NLRC5: variants seen among roughly 807,000 people sequenced by gnomAD.
The protein encoded by NLRC5 is protein NLRC5.
NLRC5 carries 114 observed loss-of-function variants against 206.9 expected under a neutral mutation model. The ratio of observed to expected loss-of-function variants is 0.55; its 90% CI spans 0.47 to 0.64. NLRC5 has a LOEUF of 0.64. Among genes scored for constraint, NLRC5 ranks in the 30% least tolerant of loss-of-function variants. NLRC5 has a pLI of 0.00. For synonymous variants in NLRC5, 952 were observed against 962.8 expected (o/e 0.99, Z 0.21); for missense variants, 2,008 against 2,305.5 (o/e 0.87, Z 2.64).
chr16:57,069,624 T>C, intron 36 of NLRC5: 2 of 582,956 alleles, frequency 3.4e-6, no homozygotes, highest in South Asian at 4.1e-5. Flanking sequence ...TGACTGCGGT[T>C]TAGGAAATAC....
At chr16:57,050,239 C>T (rs2064689472) in intron 23 of NLRC5, among the ~76,000 whole-genome samples, 1 of 152,248 alleles carries the variant, frequency 6.6e-6, no homozygotes, top group South Asian at 2.1e-4. Flanking sequence ...CCAGTCCTGA[C>T]TGTGCCTCAG....
At chr16:57,008,419 G>A (rs2059151765) in intron 1 of NLRC5, among the ~76,000 whole-genome samples, 1 of 151,900 alleles carries the variant, frequency 6.6e-6, no homozygotes, top group Non-Finnish European at 1.5e-5. Flanking sequence ...TTAAATTTTG[G>A]TTTCATCTAG....
In NLRC5 at chr16:57,069,903, C is replaced by G; in HGVS notation, c.4567C>G (p.His1523Asp). 3.2e-6 allele frequency: 5 copies of G among 1,583,054 alleles called. No individual in the cohort carries two copies. The highest frequency in any genetic ancestry group is 3.4e-6 in the Non-Finnish European group (4 of 1,165,106). The change falls in exon 37 of 49, where the codon CAC becomes GAC. Residue 1523 changes from histidine to aspartate, a missense_variant. Coordinates refer to ENST00000688547, the MANE Select transcript of NLRC5 (RefSeq NM_001384950.1). ...GGCATCTGGTCTGGGCCACTGCCAC[C>G]ACTTGGAGGAGCTGGAGTGAGTTGC... ...HLASGLGHCH[H>D]LEELDLSNNQ... is the part of the protein sequence containing the mutation.
intron 1 of NLRC5, chr16:57,013,872 A>G (rs2059753476): frequency 4.7e-6 from 3 of 632,114 alleles, no homozygotes; most frequent in Admixed American, 4.5e-5. Context: ...GGCAAGCCAC[A>G]CTATTTTATG....
chr16:57,006,417 T>TTTTC (rs1214231419), intron 1 of NLRC5, among the ~76,000 whole-genome samples: 6 of 86,616 alleles, frequency 6.9e-5, no homozygotes, highest in Non-Finnish European at 1.5e-4. Context: ...CATCCTCTTT[T>TTTTC]TTTTTTTTTT....
chr16:57,061,381 T>C (rs2066458648), intron 30 of NLRC5, 67 bp from the exon 31 acceptor site: 2 of 1,490,862 alleles, frequency 1.3e-6, no homozygotes, highest in South Asian at 2.3e-5. Flanking sequence ...TCAGGGAGGC[T>C]GAGATGAAGC....
intron 39 of NLRC5, among the ~76,000 whole-genome samples, chr16:57,076,238 T>G (rs1475675336): frequency 1.3e-5 from 2 of 152,114 alleles, no homozygotes; most frequent in Admixed American, 6.5e-5. Flanking sequence ...ATTTGCAAAA[T>G]AAAAGAAAGT....
At chr16:57,040,523 T>C in intron 16 of NLRC5, 127 bp from the exon 17 acceptor site, 1 of 829,236 alleles carries the variant, frequency 1.2e-6, no homozygotes, top group Non-Finnish European at 2.0e-6. Context: ...GAAGCCAAAT[T>C]GGCACCAAGG....
intron 38 of NLRC5, 32 bp downstream of exon 38, chr16:57,070,650 G>A (rs761817895): frequency 6.4e-7 from 1 of 1,568,744 alleles, no homozygotes; most frequent in African/African-American, 1.5e-5. Flanking sequence ...GGGTGAGTGA[G>A]TGGTGGGGGT....
In NLRC5 at chr16:57,031,560, T is replaced by C. The variant is rs193043874; in HGVS notation, c.2477+97T>C. On this transcript the variant is annotated intron_variant, in intron 11 of 48. Coordinates refer to ENST00000688547, the MANE Select transcript of NLRC5 (RefSeq NM_001384950.1). ...AGGTGACCAAGAGACTAGGAAGAGC[T>C]GGGGTATGGGAATTCTTCCTGCTAC... 2.9e-4 allele frequency: 339 copies of C among 1,156,798 alleles called. 3 individuals are homozygous for C. In the East Asian group the frequency reaches 8.2e-3, roughly 28 times the overall value. 71.7% of individuals were successfully genotyped at this position (1,156,798 alleles called of 1,614,324 possible). A position where few individuals can be genotyped will look rare whatever the true frequency, so the allele number is the denominator to read the frequency against.
At chr16:57,070,263 G>GTA (rs1426873153) in intron 37 of NLRC5, among the ~76,000 whole-genome samples, 5 of 151,794 alleles carry the variant, frequency 3.3e-5, no homozygotes, top group Admixed American at 1.3e-4. Context: ...GTGTGTGTGT[G>GTA]TGTGTCCCTA....
intron 12 of NLRC5, 140 bp downstream of exon 12, chr16:57,033,809 C>A: frequency 1.3e-6 from 1 of 748,156 alleles, no homozygotes. Flanking sequence ...TGGTGCCCAT[C>A]CTGGATAGCC....
At chr16:57,003,548 G>A (rs573560625) in intron 1 of NLRC5, among the ~76,000 whole-genome samples, 1 of 152,010 alleles carries the variant, frequency 6.6e-6, no homozygotes, top group African/African-American at 2.4e-5. Flanking sequence ...GCCTTTGCCT[G>A]GTGGGCATTG....
At chr16:57,009,985 G>A (rs1309681390) in intron 1 of NLRC5, among the ~76,000 whole-genome samples, 2 of 152,202 alleles carry the variant, frequency 1.3e-5, no homozygotes, top group East Asian at 1.9e-4. Flanking sequence ...AGAAATGATG[G>A]TGTCCAGGCT....
chr16:57,066,519 C>T lies in NLRC5; in HGVS notation c.4242-15C>T, dbSNP rs772296253. 6.2e-7 allele frequency: 1 copy of T among 1,613,674 alleles called. No individual in the cohort carries two copies. The highest frequency in any genetic ancestry group is 2.2e-5 in the East Asian group (1 of 44,870). On this transcript the variant is annotated splice_polypyrimidine_tract_variant and intron_variant, in intron 33 of 48. Coordinates refer to ENST00000688547, the MANE Select transcript of NLRC5 (RefSeq NM_001384950.1). ...AGGCTGCCCGACCTCACGTTGGTTA[C>T]TGCTCACTCCTCAGCATCTCCGAGA...
chr16:57,069,392 T>C (rs2067393534), intron 36 of NLRC5, among the ~76,000 whole-genome samples: 1 of 151,928 alleles, frequency 6.6e-6, no homozygotes, highest in Non-Finnish European at 1.5e-5. Context: ...AGCCCGGGAG[T>C]TCGACACCAG....
At position 57,026,560 on chromosome 16, in the gene NLRC5, G is replaced by T; in HGVS notation, c.1617G>T (p.Gln539His). ...SPKVNKDTLTQYVTLHSRWVQ... is the reference protein window; with the variant it reads ...SPKVNKDTLTHYVTLHSRWVQ... ...AGGTGAACAAAGACACACTTACCCA[G>T]TATGTTACCCTCCATTCCCGCTGGG... The change falls in exon 6 of 49, where the codon CAG becomes CAT. Residue 539 changes from glutamine to histidine, a missense_variant. Gln to His is a conservative substitution (Grantham distance 24). Transcript: ENST00000688547. 1.2e-6 allele frequency: 2 copies of T among 1,614,182 alleles called. No homozygotes were observed. Among genetic ancestry groups the T allele is most frequent in the Non-Finnish European group, 1.7e-6 (2 of 1,180,044 alleles).
intron 28 of NLRC5, 154 bp downstream of exon 28, chr16:57,058,302 C>T (rs1412386021): frequency 6.3e-6 from 4 of 639,244 alleles, no homozygotes; most frequent in Non-Finnish European, 1.1e-5. Flanking sequence ...CCTTCACTCC[C>T]CTGGCCTTGG....
intron 24 of NLRC5, among the ~76,000 whole-genome samples, chr16:57,052,298 C>T (rs1222401594): frequency 6.6e-6 from 1 of 151,998 alleles, no homozygotes; most frequent in African/African-American, 2.4e-5. Context: ...TGTGGTGAAA[C>T]CCCGTCTCTA....
Sources: allele counts gnomAD v4.1 joint callset (sites outside exome capture counted in the v4.1 genomes callset), GRCh38; gene constraint gnomAD v4.1.1; transcripts MANE v1.5; gene names NCBI Gene and HGNC (gene_info 2026-07-23, HGNC 2026-07-21).